Variants in DDX60L observed in about 807,000 individuals in gnomAD.
DDX60L encodes DExD/H-box 60 like, also known as probable ATP-dependent RNA helicase DDX60-like.
Under a neutral mutation model 211.6 loss-of-function variants are expected in DDX60L, and 191 were observed. The observed-to-expected ratio is 0.90, with a 90% CI of 0.80 to 1.02. DDX60L has a LOEUF of 1.02. DDX60L is among the 50% of genes least tolerant of loss of function. DDX60L has a pLI of 0.00. For missense variants in DDX60L, 2,007 were observed against 1,984.1 expected (o/e 1.01, Z -0.22); for synonymous variants, 706 against 694.1 (o/e 1.02, Z -0.27).
At chr4:168,449,164 A>G (rs1676036801) in intron 8 of DDX60L, among the ~76,000 whole-genome samples, 1 of 151,740 alleles carries the variant, frequency 6.6e-6, no homozygotes, top group African/African-American at 2.4e-5. Context: ...GTCAACACCT[A>G]CCCCCACTAC....
At position 168,415,558 on chromosome 4, in the gene DDX60L, C is replaced by T. The variant is rs199679873; in HGVS notation, c.2870-41G>A. On this transcript the variant is annotated intron_variant, in intron 21 of 37. Transcript: ENST00000682922. ...AAGAATATCCAAATTAATGGACATA[C>T]GATTATTAGAATATGGATTTAAAAC... 111 of 1,453,048 alleles carry T rather than the reference C, an allele frequency of 7.6e-5. No homozygotes were observed. In the African/African-American group the frequency reaches 1.4e-3, roughly 18 times the overall value. 90.0% of individuals were successfully genotyped at this position (1,453,048 alleles called of 1,614,324 possible). A position where few individuals can be genotyped will look rare whatever the true frequency, so the allele number is the denominator to read the frequency against.
chr4:168,380,632 A>G (rs547971735), intron 30 of DDX60L: 19 of 152,338 alleles, frequency 1.2e-4, no homozygotes, highest in African/African-American at 4.3e-4. Context: ...TCTGTATAGC[A>G]GCGTGAGAAT....
intron 7 of DDX60L, among the ~76,000 whole-genome samples, chr4:168,455,759 A>C (rs1218430048): frequency 6.6e-6 from 1 of 152,174 alleles, no homozygotes; most frequent in African/African-American, 2.4e-5. Context: ...TACTAAGTGA[A>C]ACACCAGATA....
At chr4:168,465,992 C>T (rs184350523) in intron 4 of DDX60L, among the ~76,000 whole-genome samples, 1 of 151,840 alleles carries the variant, frequency 6.6e-6, no homozygotes, top group East Asian at 1.9e-4. Flanking sequence ...AAAAGAATCA[C>T]AAGAGATGTT....
At chr4:168,470,371 A>T (rs897236858) in intron 4 of DDX60L, 1 of 152,256 alleles carries the variant, frequency 6.6e-6, no homozygotes, top group Non-Finnish European at 1.5e-5. Context: ...CATCTAGGCA[A>T]GATATTGAAA....
chr4:168,416,339 C>T (rs1749556414), intron 20 of DDX60L, among the ~76,000 whole-genome samples: 1 of 152,186 alleles, frequency 6.6e-6, no homozygotes, highest in African/African-American at 2.4e-5. Context: ...TTGTCCTGCA[C>T]AATTTCAGAT....
chr4:168,360,375 G>A (rs1738899408), intron 37 of DDX60L, among the ~76,000 whole-genome samples: 1 of 152,164 alleles, frequency 6.6e-6, no homozygotes, highest in Non-Finnish European at 1.5e-5. Context: ...CCTTTATGTA[G>A]AGATACTCCA....
Position 168,363,088 on chromosome 4 carries a change from T to C in DDX60L, c.4929-1877A>G, listed in dbSNP as rs1439801442. Among the ~76,000 whole-genome samples the C allele has an allele frequency of 2.0e-5, 3 of 152,068 alleles. 1 individual carries two copies. Among genetic ancestry groups the C allele is most frequent in the Admixed American group, 1.3e-4 (2 of 15,280 alleles). On this transcript the variant is annotated intron_variant, in intron 36 of 37. Coordinates refer to ENST00000682922, the MANE Select transcript of DDX60L (RefSeq NM_001012967.3). ...AAGCATCAAGTCACACATAACGGAA[T>C]CCTCATGAGACTATCAGCAGATTCC...
At chr4:168,458,924 A>G (rs1459652828) in intron 5 of DDX60L, among the ~76,000 whole-genome samples, 3 of 152,228 alleles carry the variant, frequency 2.0e-5, no homozygotes, top group Non-Finnish European at 2.9e-5. Context: ...TCTGATAAAC[A>G]TGCATATTTC....
chr4:168,368,958 C>A (rs1018128558), intron 36 of DDX60L, among the ~76,000 whole-genome samples: 5 of 152,186 alleles, frequency 3.3e-5, no homozygotes, highest in Non-Finnish European at 2.9e-5. Flanking sequence ...TTTGATTTTA[C>A]AGGCTCATAG....
Position 168,405,995 on chromosome 4 carries a change from T to C in DDX60L, c.3168A>G (p.Leu1056=). 6.3e-7 allele frequency: 1 copy of C among 1,599,242 alleles called. No individual in the cohort carries two copies. The highest frequency in any genetic ancestry group is 8.5e-7 in the Non-Finnish European group (1 of 1,173,746). Residue 1056 remains leucine, a synonymous_variant, in exon 24 of 38, where the codon TTA becomes TTG. Coordinates refer to ENST00000682922, the MANE Select transcript of DDX60L (RefSeq NM_001012967.3). ...KLDARKYEEN[L]KAELTNWIKN... ...TAATCCAATTTGTCAATTCTGCCTT[T>C]AAGTTTTCTTCATATTTTCTAGCAT...
At chr4:168,424,709 T>A in intron 14 of DDX60L, among the ~76,000 whole-genome samples, 1 of 151,732 alleles carries the variant, frequency 6.6e-6, no homozygotes, top group East Asian at 1.9e-4. Context: ...CACACAGAAT[T>A]TAGGCCAATA....
chr4:168,375,200 C>T (rs930991653), intron 34 of DDX60L, among the ~76,000 whole-genome samples, 177 bp downstream of exon 34: 45 of 152,144 alleles, frequency 3.0e-4, no homozygotes, highest in Middle Eastern at 3.4e-3. Flanking sequence ...AAAACAGAGC[C>T]ATTATCACAC....
At chr4:168,476,968 TGAA>T (rs1759591610) in intron 1 of DDX60L, among the ~76,000 whole-genome samples, 1 of 152,224 alleles carries the variant, frequency 6.6e-6, no homozygotes, top group South Asian at 2.1e-4. Context: ...ACTGGGTCCC[TGAA>T]TCACTATTGG....
Position 168,375,433 on chromosome 4 carries a change from A to G in DDX60L, c.4577T>C (p.Ile1526Thr), listed in dbSNP as rs771068453. 2 of 1,613,110 alleles carry G rather than the reference A, an allele frequency of 1.2e-6. No individual in the cohort carries two copies. The highest frequency in any genetic ancestry group is 1.7e-6 in the Non-Finnish European group (2 of 1,179,518). ...TTTCATGTTCACCGACTTGGAAGCA[A>G]TCAGCAGGAAGGAGGCAAAATCCTT... ...VMKDFASFLL[I>T]ASKSVNMKKE... The change falls in exon 34 of 38, where the codon ATT becomes ACT. Residue 1526 changes from isoleucine (I) to threonine (T), a missense_variant. By Grantham distance (89) the Ile-to-Thr change is moderately conservative (BLOSUM62 -1). Transcript: ENST00000682922.
intron 30 of DDX60L, among the ~76,000 whole-genome samples, chr4:168,383,525 G>A (rs1579282356): frequency 6.6e-6 from 1 of 152,174 alleles, no homozygotes; most frequent in Non-Finnish European, 1.5e-5. Context: ...ATTTGTGATT[G>A]GCTATACATT....
intron 10 of DDX60L, among the ~76,000 whole-genome samples, chr4:168,436,469 C>T (rs1753047945): frequency 6.6e-6 from 1 of 152,148 alleles, no homozygotes; most frequent in African/African-American, 2.4e-5. Flanking sequence ...ACTGGTCTTA[C>T]CATATTCTCC....
chr4:168,373,843 A>G, intron 34 of DDX60L, 35 bp from the exon 35 acceptor site: 1 of 1,600,992 alleles, frequency 6.2e-7, no homozygotes, highest in Non-Finnish European at 8.5e-7. Context: ...TTAGGTTTTA[A>G]AAATCAGCCC....
intron 36 of DDX60L, among the ~76,000 whole-genome samples, chr4:168,363,902 G>A (rs1392247483): frequency 6.6e-6 from 1 of 152,174 alleles, no homozygotes; most frequent in Non-Finnish European, 1.5e-5. Flanking sequence ...AAAAGATACA[G>A]AGTGAATGGA....
Sources: allele counts gnomAD v4.1 joint callset (sites outside exome capture counted in the v4.1 genomes callset), GRCh38; gene constraint gnomAD v4.1.1; transcripts MANE v1.5; gene names NCBI Gene and HGNC (gene_info 2026-07-23, HGNC 2026-07-21).